Variants in PON3 observed in about 807,000 individuals in gnomAD.
The protein encoded by PON3 is serum paraoxonase/lactonase 3.
PON3 carries 37 observed loss-of-function variants against 36.3 expected under a neutral mutation model. The observed-to-expected ratio is 1.02, with a 90% CI of 0.78 to 1.34. PON3 has a LOEUF of 1.34. PON3 is among the 40% of genes most tolerant of loss of function. PON3 has a pLI of 0.00. For missense variants in PON3, 415 were observed against 426.5 expected (o/e 0.97, Z 0.24); for synonymous variants, 155 against 154.8 (o/e 1.00, Z -0.01).
intron 8 of PON3, among the ~76,000 whole-genome samples, chr7:95,361,629 C>T (rs545992701): frequency 1.5e-4 from 23 of 152,076 alleles, no homozygotes; most frequent in Non-Finnish European, 2.2e-4. Flanking sequence ...GATCAGGGAT[C>T]TCTGTATATT....
At chr7:95,378,414 A>T (rs577714752) in intron 3 of PON3, among the ~76,000 whole-genome samples, 4 of 152,234 alleles carry the variant, frequency 2.6e-5, no homozygotes, top group Non-Finnish European at 5.9e-5. Context: ...CACCACAAAG[A>T]TACTCCTTGA....
chr7:95,378,113 A>C (rs1808961639), intron 3 of PON3, among the ~76,000 whole-genome samples: 1 of 152,196 alleles, frequency 6.6e-6, no homozygotes, highest in Non-Finnish European at 1.5e-5. Context: ...TCATGCATGC[A>C]CAAGCTTCAA....
chr7:95,362,379 C>G lies in PON3; in HGVS notation c.889G>C (p.Asp297His). 1 of 1,613,730 alleles carries G rather than the reference C, an allele frequency of 6.2e-7. No homozygotes were observed. Among genetic ancestry groups the G allele is most frequent in the Non-Finnish European group, 8.5e-7 (1 of 1,179,746 alleles). Residue 297 changes from aspartate to histidine, a missense_variant, in exon 8 of 9, where the codon GAC becomes CAC. Asp to His is a moderately conservative substitution (Grantham distance 81, BLOSUM62 -1). Transcript: ENST00000265627. ...GAACTTACTTCTGATCCTGGAGGGTCCTCAGGGTTATAGTTCAGTAGCTTC... is the reference window on the plus strand; with the variant it reads ...GAACTTACTTCTGATCCTGGAGGGTGCTCAGGGTTATAGTTCAGTAGCTTC... Reference protein sequence around the residue: ...PMKLLNYNPEDPPGSEVLRIQ... With the variant: ...PMKLLNYNPEHPPGSEVLRIQ...
intron 1 of PON3, among the ~76,000 whole-genome samples, chr7:95,395,516 C>T (rs1585737566): frequency 6.6e-6 from 1 of 152,244 alleles, no homozygotes; most frequent in East Asian, 1.9e-4. Flanking sequence ...TACTAATAGG[C>T]ACCAGGCACC....
chr7:95,379,369 T>C (rs1051630458), intron 3 of PON3, among the ~76,000 whole-genome samples: 1 of 152,300 alleles, frequency 6.6e-6, no homozygotes, highest in Admixed American at 6.5e-5. Flanking sequence ...GGACAGTGGG[T>C]GCAGCGCACC....
intron 3 of PON3, among the ~76,000 whole-genome samples, chr7:95,374,742 C>A (rs1027309682): frequency 2.6e-5 from 4 of 152,100 alleles, no homozygotes; most frequent in Non-Finnish European, 4.4e-5. Flanking sequence ...TACTTCTGAT[C>A]TGCTTCTCTG....
chr7:95,364,087 AAGAGACCCATG>A (rs1369174956), intron 5 of PON3, 24 bp from the exon 6 acceptor site: 1 of 1,578,472 alleles, frequency 6.3e-7, no homozygotes, highest in African/African-American at 1.3e-5. Flanking sequence ...GAGGTGGAAA[AAGAGACCCATG>A]AGGTATTTAA....
chr7:95,364,053 T>A lies in PON3; in HGVS notation c.505A>T (p.Ile169Phe). ...KHELLKSVND[I>F]VVLGPEQFYA... ...AACTGTTCTGGTCCAAGAACCACAA[T>A]GTCATTCACACTAAAGTGAAAGGGA... The change falls in exon 6 of 9, where the codon ATT becomes TTT. Residue 169 changes from isoleucine to phenylalanine, a missense_variant. Transcript: ENST00000265627. 6.2e-7 allele frequency: 1 copy of A among 1,613,644 alleles called. No individual in the cohort carries two copies. Among genetic ancestry groups the A allele is most frequent in the East Asian group, 2.2e-5 (1 of 44,870 alleles).
chr7:95,395,982 G>C (rs1388686733), intron 1 of PON3: 2 of 439,472 alleles, frequency 4.6e-6, no homozygotes, highest in Non-Finnish European at 8.5e-6. Flanking sequence ...AGCTGGGAAA[G>C]GGGTCATCAC....
chr7:95,390,139 A>G lies in PON3; in HGVS notation c.201+15T>C, dbSNP rs753363532. 5 of 1,592,854 alleles carry G rather than the reference A, an allele frequency of 3.1e-6. No individual in the cohort carries two copies. The South Asian group carries it at 5.5e-5, about 18-fold the overall frequency. ...CTATTGATGTGAGCATGAGAGCAGC[A>G]TGGAAAATACTCACACTGGAGATAA... On this transcript the variant is annotated intron_variant, in intron 3 of 8. Transcript: ENST00000265627.
chr7:95,378,742 TC>T (rs2116401246), intron 3 of PON3, among the ~76,000 whole-genome samples: 1 of 152,144 alleles, frequency 6.6e-6, no homozygotes, highest in East Asian at 1.9e-4. Context: ...TTACAAGAGC[TC>T]CTGAAGGAAG....
In PON3 at chr7:95,383,211, T is replaced by A. The variant is rs973394707; in HGVS notation, c.201+6943A>T. ...ATTGATGGGACATATCTCAAAATAA[T>A]AAGAGCTATCTATGACAAACCCACA... On this transcript the variant is annotated intron_variant, in intron 3 of 8. Transcript: ENST00000265627. Among the ~76,000 whole-genome samples, 27 of 152,188 alleles carry A rather than the reference T, an allele frequency of 1.8e-4. No individual in the cohort carries two copies. The East Asian group carries it at 4.1e-3, about 23-fold the overall frequency.
At chr7:95,379,645 G>C (rs773307231) in intron 3 of PON3, among the ~76,000 whole-genome samples, 1 of 152,208 alleles carries the variant, frequency 6.6e-6, no homozygotes, top group Non-Finnish European at 1.5e-5. Context: ...AGGGAGCAGC[G>C]AGGCTGGGGG....
In PON3 at chr7:95,390,126, G is replaced by A. The variant is rs752974092; in HGVS notation, c.201+28C>T. The A allele has an allele frequency of 1.0e-5, 16 of 1,575,106 alleles. No homozygotes were observed. In the East Asian group the frequency reaches 3.4e-4, roughly 33 times the overall value. On this transcript the variant is annotated intron_variant, in intron 3 of 8. Transcript: ENST00000265627. ...ACTGTCTATACAGCTATTGATGTGA[G>A]CATGAGAGCAGCATGGAAAATACTC...
chr7:95,381,665 T>C (rs956822420), intron 3 of PON3, among the ~76,000 whole-genome samples: 1 of 152,166 alleles, frequency 6.6e-6, no homozygotes, highest in Admixed American at 6.5e-5. Context: ...ATCCTAAATA[T>C]ATATGCACCC....
chr7:95,387,704 A>G (rs1306452477), intron 3 of PON3, among the ~76,000 whole-genome samples: 1 of 152,248 alleles, frequency 6.6e-6, no homozygotes, highest in Non-Finnish European at 1.5e-5. Context: ...ACAAAGCTGG[A>G]GGCATCATTG....
At chr7:95,387,431 G>C (rs1809221495) in intron 3 of PON3, among the ~76,000 whole-genome samples, 1 of 152,154 alleles carries the variant, frequency 6.6e-6, no homozygotes, top group Admixed American at 6.5e-5. Flanking sequence ...CAAGGGATGT[G>C]AACGACCTCT....
chr7:95,361,163 T>C (rs1353554085), intron 8 of PON3, among the ~76,000 whole-genome samples: 1 of 152,188 alleles, frequency 6.6e-6, no homozygotes, highest in Non-Finnish European at 1.5e-5. Flanking sequence ...GATTGCTTCC[T>C]AGTTTAGGGT....
chr7:95,372,128 C>G (rs1562771735), intron 4 of PON3, 45 bp downstream of exon 4: 1 of 1,578,548 alleles, frequency 6.3e-7, no homozygotes, highest in Non-Finnish European at 8.7e-7. Flanking sequence ...TAAATGGTTT[C>G]TATTTCCCTC....
Sources: allele counts gnomAD v4.1 joint callset (sites outside exome capture counted in the v4.1 genomes callset), GRCh38; gene constraint gnomAD v4.1.1; transcripts MANE v1.5; gene names NCBI Gene and HGNC (gene_info 2026-07-23, HGNC 2026-07-21).